VPS13B: variants seen among roughly 807,000 people sequenced by gnomAD.
VPS13B encodes intermembrane lipid transfer protein VPS13B.
A neutral mutation model predicts 426.4 loss-of-function variants in VPS13B; 285 were observed. The observed-to-expected ratio is 0.67, with a 90% CI of 0.61 to 0.74. VPS13B has a LOEUF of 0.74. Ranked by LOEUF, VPS13B falls within the 30% of genes least tolerant of loss-of-function variation. The pLI is 0.00. For synonymous variants in VPS13B, 1,676 were observed against 1,676.4 expected, an observed-to-expected ratio of 1.00 and a Z score of 0.01; for missense variants, 4,537 against 4,782.6, an observed-to-expected ratio of 0.95 and a Z score of 1.51.
At chr8:99,088,037 A>T (rs1588020542) in intron 3 of VPS13B, among the ~76,000 whole-genome samples, 1 of 152,082 alleles carries the variant, frequency 6.6e-6, no homozygotes, top group East Asian at 1.9e-4. Context: ...TACAAAAATT[A>T]GCTGGGCGTG....
At chr8:99,442,774 A>T in intron 23 of VPS13B, 139 bp downstream of exon 23, 1 of 770,862 alleles carries the variant, frequency 1.3e-6, no homozygotes, top group Non-Finnish European at 2.1e-6. Flanking sequence ...TAAGTGAACT[A>T]AGTGATGCCA....
chr8:99,507,669 C>T, intron 28 of VPS13B: 2 of 1,555,900 alleles, frequency 1.3e-6, no homozygotes, highest in Middle Eastern at 1.7e-4. Context: ...TAAATTTATA[C>T]AAACTTGAGG....
At chr8:99,860,376 G>T (rs987081104) in intron 57 of VPS13B, among the ~76,000 whole-genome samples, 1 of 152,144 alleles carries the variant, frequency 6.6e-6, no homozygotes, top group Admixed American at 6.5e-5. Context: ...TGGGAGGACT[G>T]GGGGCTGAGC....
chr8:99,399,773 G>T (rs765693987), intron 21 of VPS13B, among the ~76,000 whole-genome samples: 3 of 152,162 alleles, frequency 2.0e-5, no homozygotes, highest in Non-Finnish European at 2.9e-5. Context: ...ATGTCTCCAT[G>T]TGTGCCGTGC....
At chr8:99,798,536 A>G (rs559897568) in intron 43 of VPS13B, among the ~76,000 whole-genome samples, 1 of 152,286 alleles carries the variant, frequency 6.6e-6, no homozygotes, top group East Asian at 1.9e-4. Context: ...AAGAAATGGC[A>G]AAGATAGGAT....
At chr8:99,142,869 T>TA in intron 12 of VPS13B, 105 bp from the exon 13 acceptor site, 1 of 1,194,740 alleles carries the variant, frequency 8.4e-7, no homozygotes, top group Non-Finnish European at 1.2e-6. Context: ...GAATTTGTTT[T>TA]AAGGCATTAA....
chr8:99,467,695 T>C lies in VPS13B; in HGVS notation c.3666+61T>C, dbSNP rs1252258479. 2.5e-5 allele frequency: 39 copies of C among 1,539,830 alleles called. 1 individual carries two copies. The highest frequency in any genetic ancestry group is 2.0e-4 in the Middle Eastern group (1 of 4,960). On this transcript the variant is annotated intron_variant, in intron 24 of 61. Transcript: ENST00000357162. ...TAATGTGATTTAAAAGCAATTGTTATCCATTTTGTTGAAGGGTTTCTCTTC... is the reference window on the plus strand; with the variant it reads ...TAATGTGATTTAAAAGCAATTGTTACCCATTTTGTTGAAGGGTTTCTCTTC...
At chr8:99,159,535 C>T (rs1398334420) in intron 15 of VPS13B, among the ~76,000 whole-genome samples, 1 of 152,158 alleles carries the variant, frequency 6.6e-6, no homozygotes, top group Non-Finnish European at 1.5e-5. Flanking sequence ...TTAGAAATTG[C>T]TGCAGCTAGC....
At chr8:99,361,165 C>G (rs560089691) in intron 19 of VPS13B, among the ~76,000 whole-genome samples, 5 of 152,232 alleles carry the variant, frequency 3.3e-5, no homozygotes, top group African/African-American at 1.2e-4. Context: ...ATGGCTGTTA[C>G]TTGGAATTAT....
At chr8:99,472,506 G>T (rs1819467148) in intron 24 of VPS13B, among the ~76,000 whole-genome samples, 1 of 145,356 alleles carries the variant, frequency 6.9e-6, no homozygotes, top group Non-Finnish European at 1.5e-5. Flanking sequence ...AATATTGAAT[G>T]ACACTAAAAA....
intron 19 of VPS13B, among the ~76,000 whole-genome samples, chr8:99,291,668 AAG>A (rs1016376630): frequency 1.1e-4 from 16 of 152,114 alleles, no homozygotes; most frequent in African/African-American, 3.6e-4. Context: ...ATAGAGGAAA[AAG>A]AGATTAATTT....
chr8:99,662,028 C>G (rs974687250), intron 35 of VPS13B, among the ~76,000 whole-genome samples: 1 of 152,102 alleles, frequency 6.6e-6, no homozygotes, highest in African/African-American at 2.4e-5. Flanking sequence ...AATTATGTCC[C>G]AGGCACTATG....
chr8:99,613,575 C>T lies in VPS13B; in HGVS notation c.5221-28236C>T, dbSNP rs534920568. Among the ~76,000 whole-genome samples, 303 of 152,226 alleles carry T rather than the reference C, an allele frequency of 2.0e-3. 1 individual carries two copies. The highest frequency in any genetic ancestry group is 7.0e-3 in the African/African-American group (292 of 41,540). On this transcript the variant is annotated intron_variant, in intron 33 of 61. Coordinates refer to ENST00000357162, the MANE Select transcript of VPS13B (RefSeq NM_152564.5). ...TGCTTAATATGTTTTGTTGTGTGGA[C>T]TTGTTAGTAGCCTGGAGCATAAAGG...
intron 12 of VPS13B, 69 bp downstream of exon 12, chr8:99,136,821 T>G (rs1242279115): frequency 1.3e-6 from 2 of 1,484,048 alleles, no homozygotes; most frequent in Admixed American, 3.3e-5. Flanking sequence ...TCAGAATCAA[T>G]TGGTCCTTGA....
intron 34 of VPS13B, among the ~76,000 whole-genome samples, chr8:99,653,484 A>G (rs1270065215): frequency 7.2e-6 from 1 of 139,710 alleles, no homozygotes; most frequent in African/African-American, 2.7e-5. Context: ...TTTTTTTTTC[A>G]CTGAATAGCA....
At chr8:99,014,390 T>G (rs1047550006) in intron 2 of VPS13B, among the ~76,000 whole-genome samples, 2 of 152,010 alleles carry the variant, frequency 1.3e-5, no homozygotes, top group African/African-American at 2.4e-5. Flanking sequence ...AGTGCTGGGA[T>G]TATAGGCGTG....
chr8:99,402,011 C>T (rs1358038374), intron 21 of VPS13B, among the ~76,000 whole-genome samples: 2 of 152,068 alleles, frequency 1.3e-5, no homozygotes, highest in Admixed American at 1.3e-4. Context: ...CTTTGTGCAC[C>T]ACATATTTTG....
intron 24 of VPS13B, among the ~76,000 whole-genome samples, chr8:99,473,733 A>G (rs1443060534): frequency 1.3e-5 from 2 of 152,200 alleles, no homozygotes; most frequent in African/African-American, 4.8e-5. Context: ...GTTTGCATGT[A>G]ACATATTTTA....
intron 55 of VPS13B, among the ~76,000 whole-genome samples, chr8:99,849,962 C>T (rs531911758): frequency 1.8e-4 from 27 of 148,932 alleles, no homozygotes; most frequent in African/African-American, 5.0e-4. Context: ...TACATAAGTA[C>T]GCATGTATGT....
Sources: allele counts gnomAD v4.1 joint callset (sites outside exome capture counted in the v4.1 genomes callset), GRCh38; gene constraint gnomAD v4.1.1; transcripts MANE v1.5; gene names NCBI Gene and HGNC (gene_info 2026-07-23, HGNC 2026-07-21).